The following NFATC2 variants were observed in gnomAD, a reference collection of about 807,000 sequenced individuals.
NFATC2 encodes nuclear factor of activated T-cells, cytoplasmic 2.
NFATC2 carries 22 observed loss-of-function variants against 87.3 expected under a neutral mutation model. The observed-to-expected ratio is 0.25, with a 90% CI of 0.18 to 0.36. The LOEUF is 0.36. Ranked by LOEUF, NFATC2 falls within the 10% of genes least tolerant of loss-of-function variation. NFATC2 has a pLI of 1.00. For missense variants in NFATC2, 1,149 were observed against 1,259.1 expected (o/e 0.91, Z 1.32); for synonymous variants, 565 against 542.2 (o/e 1.04, Z -0.58).
chr20:51,419,102 C>T (rs895449558), intron 9 of NFATC2, among the ~76,000 whole-genome samples: 2 of 152,158 alleles, frequency 1.3e-5, no homozygotes, highest in Admixed American at 6.5e-5. Flanking sequence ...CACTGGCACA[C>T]AGTAGGGATT....
intron 3 of NFATC2, among the ~76,000 whole-genome samples, chr20:51,506,764 G>T (rs1384952396): frequency 6.6e-6 from 1 of 152,196 alleles, no homozygotes; most frequent in East Asian, 1.9e-4. Context: ...CCTGCGAAGT[G>T]GTCCCAGGTG....
At chr20:51,416,166 G>A (rs1980014376) in intron 9 of NFATC2, among the ~76,000 whole-genome samples, 1 of 152,100 alleles carries the variant, frequency 6.6e-6, no homozygotes. Flanking sequence ...GGAGACTGAG[G>A]CAGGAGAATC....
In NFATC2 at chr20:51,388,066, A is replaced by G. The variant is rs1985952393; in HGVS notation, c.*3430T>C. 1 of 152,098 alleles carries G rather than the reference A, an allele frequency of 6.6e-6. No homozygotes were observed. The highest frequency in any genetic ancestry group is 6.5e-5 in the Admixed American group (1 of 15,280). 9.4% of individuals were successfully genotyped at this position (152,098 alleles called of 1,614,324 possible). A position where few individuals can be genotyped will look rare whatever the true frequency, so the allele number is the denominator to read the frequency against. On this transcript the variant is annotated 3_prime_UTR_variant, in exon 11 of 11. Transcript: ENST00000371564. ...AAGGAATCAATTCATCCTTGGTTATATCTATGCTGGAAAACTGTGGGTGTC... is the reference window on the plus strand; with the variant it reads ...AAGGAATCAATTCATCCTTGGTTATGTCTATGCTGGAAAACTGTGGGTGTC...
rs759759763 is a variant in NFATC2 at position 51,524,125 on chromosome 20, G to A, written c.131-15C>T. Reference sequence around the variant, plus strand: ...ATTCGGCTCTTCTGGAAAGAGAAGGGGGAAGGGGGTTCTTTTTAAGCCTCA... The same window carrying A: ...ATTCGGCTCTTCTGGAAAGAGAAGGAGGAAGGGGGTTCTTTTTAAGCCTCA... On this transcript the variant is annotated splice_polypyrimidine_tract_variant and intron_variant, in intron 1 of 10. Coordinates refer to ENST00000371564, the MANE Select transcript of NFATC2 (RefSeq NM_012340.5). The surrounding 1 kb of genome is among the most constrained non-coding windows in gnomAD (Gnocchi z 4.0). 11 of 1,442,040 alleles carry A rather than the reference G, an allele frequency of 7.6e-6. No homozygotes were observed. Among genetic ancestry groups the A allele is most frequent in the African/African-American group, 3.0e-5 (2 of 67,356 alleles). 89.3% of individuals were successfully genotyped at this position (1,442,040 alleles called of 1,614,324 possible). A position where few individuals can be genotyped will look rare whatever the true frequency, so the allele number is the denominator to read the frequency against.
intron 6 of NFATC2, among the ~76,000 whole-genome samples, chr20:51,444,568 T>C (rs1433995980): frequency 1.3e-5 from 2 of 152,100 alleles, no homozygotes; most frequent in African/African-American, 4.8e-5. Context: ...GAGCAAGCTT[T>C]TGGGAGGAGG....
At chr20:51,496,879 A>G (rs558343317) in intron 3 of NFATC2, among the ~76,000 whole-genome samples, 19 of 152,258 alleles carry the variant, frequency 1.2e-4, no homozygotes, top group South Asian at 4.1e-4. Flanking sequence ...TTCTCCCTCT[A>G]TCCAGAGTAC....
In NFATC2 at chr20:51,561,431, A is replaced by AAAAGAAAGGAAG. The variant is rs1555822816; in HGVS notation, c.70+1128_70+1129insCTTCCTTTCTTT. Among the ~76,000 whole-genome samples, 267 of 110,164 alleles carry AAAAGAAAGGAAG rather than the reference A, an allele frequency of 2.4e-3. 2 individuals carry two copies. The highest frequency in any genetic ancestry group is 4.7e-3 in the Middle Eastern group (1 of 212). 72.3% of individuals were successfully genotyped at this position (110,164 alleles called of 152,430 possible). A position where few individuals can be genotyped will look rare whatever the true frequency, so the allele number is the denominator to read the frequency against. On this transcript the variant is annotated intron_variant, in intron 1 of 10. Transcript: ENST00000414705. Reference sequence around the variant, plus strand: ...AAGAAAGAAAGAAAGAGAGAGAAAGAAAAGAAAGAAAGAAAGAAAGAAAGA... The same window carrying AAAAGAAAGGAAG: ...AAGAAAGAAAGAAAGAGAGAGAAAGAAAAGAAAGGAAGAAAGAAAGAAAGAAAGAAAGAAAGA...
intron 3 of NFATC2, among the ~76,000 whole-genome samples, chr20:51,492,710 G>T (rs2075915709): frequency 6.6e-6 from 1 of 152,216 alleles, no homozygotes; most frequent in Non-Finnish European, 1.5e-5. Flanking sequence ...GGCGGCCGGG[G>T]CTCCATGCCA....
intron 3 of NFATC2, among the ~76,000 whole-genome samples, chr20:51,491,627 T>C (rs1252597584): frequency 6.6e-6 from 1 of 152,042 alleles, no homozygotes; most frequent in Non-Finnish European, 1.5e-5. Flanking sequence ...GATACACGGA[T>C]GCCTATGACC....
intron 9 of NFATC2, among the ~76,000 whole-genome samples, chr20:51,415,423 T>C (rs4239665): frequency 0.92 from 140,014 of 152,116 alleles, 64,502 homozygotes; most frequent in East Asian, 0.95. Flanking sequence ...AGCAGGTATC[T>C]GGATGGACCC....
chr20:51,398,762 A>AG (rs752297435), intron 9 of NFATC2, 32 bp from the exon 10 acceptor site: 133 of 1,453,992 alleles, frequency 9.1e-5, no homozygotes, highest in Non-Finnish European at 1.2e-4. Flanking sequence ...ATTTTTGAGA[A>AG]GAAAAAAAAA....
Position 51,542,688 on chromosome 20 carries a change from G to A in NFATC2, c.-189C>T, listed in dbSNP as rs993790066. On this transcript the variant is annotated 5_prime_UTR_variant, in exon 1 of 11. Transcript: ENST00000371564. ...CTGGACGCGCCCGGGGAAGCTGAGC[G>A]GCGGCGGCGACGGCGGCGCGAGCTT... 5 of 1,133,262 alleles carry A rather than the reference G, an allele frequency of 4.4e-6. No homozygotes were observed. In the African/African-American group the frequency reaches 6.6e-5, roughly 15 times the overall value. 70.2% of individuals were successfully genotyped at this position (1,133,262 alleles called of 1,614,324 possible).
chr20:51,508,143 C>T (rs2076214607), intron 3 of NFATC2, among the ~76,000 whole-genome samples: 2 of 152,312 alleles, frequency 1.3e-5, no homozygotes, highest in South Asian at 4.1e-4. Context: ...CTGGGGACAA[C>T]ACTTTACTGA....
chr20:51,390,478 G>A lies in NFATC2; in HGVS notation c.*1018C>T, dbSNP rs1043492223. 8 of 152,156 alleles carry A rather than the reference G, an allele frequency of 5.3e-5. No individual in the cohort carries two copies. Among genetic ancestry groups the A allele is most frequent in the African/African-American group, 1.7e-4 (7 of 41,438 alleles). 9.4% of individuals were successfully genotyped at this position (152,156 alleles called of 1,614,324 possible). ...TGCTTGAGATTCTCCACCGCTTTAC[G>A]GAAAAGCACTCTGGCTGCTAGGAAG... On this transcript the variant is annotated 3_prime_UTR_variant, in exon 11 of 11. Transcript: ENST00000371564.
intron 3 of NFATC2, among the ~76,000 whole-genome samples, chr20:51,498,676 G>A (rs368938378): frequency 1.9e-4 from 29 of 152,154 alleles, no homozygotes; most frequent in East Asian, 7.7e-4. Context: ...AGTCCCAGCT[G>A]CTCAGGAGGC....
intron 3 of NFATC2, among the ~76,000 whole-genome samples, chr20:51,495,347 C>T (rs1211355635): frequency 6.6e-6 from 1 of 152,232 alleles, no homozygotes; most frequent in Non-Finnish European, 1.5e-5. Context: ...CTCAGCCTCC[C>T]AAAGTGCTGG....
chr20:51,547,107 G>A (rs1163074490), upstream of NFATC2, among the ~76,000 whole-genome samples: 1 of 152,162 alleles, frequency 6.6e-6, no homozygotes, highest in Non-Finnish European at 1.5e-5. Flanking sequence ...GCACATGACA[G>A]AATCATAGAC....
intron 9 of NFATC2, among the ~76,000 whole-genome samples, chr20:51,408,557 C>T (rs1026382304): frequency 2.0e-5 from 3 of 146,880 alleles, no homozygotes; most frequent in African/African-American, 7.6e-5. Context: ...GAGGCCCACA[C>T]TTACATGGGA....
In NFATC2 at chr20:51,562,503, A is replaced by T; in HGVS notation, c.70+57T>A. ...AAGTGCTGCCCGGGACGGGAGCAGC[A>T]GGAAAGGGCCGGGAGGAGCGAGCGG... On this transcript the variant is annotated intron_variant, in intron 1 of 10. Coordinates refer to the NFATC2 transcript ENST00000414705. This position sits in a 1 kb window ranked among gnomAD's most constrained non-coding sequence, Gnocchi z 5.8. 1 of 1,449,742 alleles carries T rather than the reference A, an allele frequency of 6.9e-7. No individual in the cohort carries two copies. The highest frequency in any genetic ancestry group is 9.4e-7 in the Non-Finnish European group (1 of 1,058,588). 89.8% of individuals were successfully genotyped at this position (1,449,742 alleles called of 1,614,324 possible). A position where few individuals can be genotyped will look rare whatever the true frequency, so the allele number is the denominator to read the frequency against.
Sources: allele counts gnomAD v4.1 joint callset (sites outside exome capture counted in the v4.1 genomes callset), GRCh38; gene constraint gnomAD v4.1.1; non-coding constraint Gnocchi (gnomAD v3.1); transcripts MANE v1.5; gene names NCBI Gene and HGNC (gene_info 2026-07-23, HGNC 2026-07-21).